NR2F1-AS1: variants seen among roughly 807,000 people sequenced by gnomAD.
The protein encoded by NR2F1-AS1 is NR2F1 regulatory antisense RNA 1.
upstream of NR2F1-AS1, among the ~76,000 whole-genome samples, chr5:93,581,478 G>C (rs1423495105): frequency 6.6e-6 from 1 of 152,138 alleles, no homozygotes; most frequent in Non-Finnish European, 1.5e-5. Context: ...TCTTCGTTTG[G>C]AGAAAAGGCA....
chr5:93,515,844 C>T (rs185245876), intron 4 of NR2F1-AS1, among the ~76,000 whole-genome samples: 2 of 151,938 alleles, frequency 1.3e-5, no homozygotes, highest in Admixed American at 1.3e-4. Context: ...ATCATTTTTA[C>T]TTATTTATGG....
chr5:93,469,732 G>T (rs1750326469), intron 4 of NR2F1-AS1, among the ~76,000 whole-genome samples: 1 of 151,954 alleles, frequency 6.6e-6, no homozygotes, highest in African/African-American at 2.4e-5. Flanking sequence ...ATCTCCTCTA[G>T]ATTTTTCCCT....
intron 4 of NR2F1-AS1, among the ~76,000 whole-genome samples, chr5:93,478,826 A>G (rs1205912215): frequency 6.6e-6 from 1 of 152,236 alleles, no homozygotes; most frequent in East Asian, 1.9e-4. Context: ...ATTTTCTTAT[A>G]GAAACTTGTT....
intron 4 of NR2F1-AS1, among the ~76,000 whole-genome samples, chr5:93,507,829 C>G (rs1751218415): frequency 6.6e-6 from 1 of 152,130 alleles, no homozygotes; most frequent in South Asian, 2.1e-4. Flanking sequence ...CATTCCTACA[C>G]AGAGGCAATA....
intron 4 of NR2F1-AS1, among the ~76,000 whole-genome samples, chr5:93,470,148 T>C (rs1308257555): frequency 3.3e-5 from 5 of 151,968 alleles, no homozygotes; most frequent in East Asian, 1.9e-4. Context: ...TTTTACCAAC[T>C]TGATGTTAAT....
intron 4 of NR2F1-AS1, among the ~76,000 whole-genome samples, chr5:93,468,458 G>A (rs572594206): frequency 6.6e-6 from 1 of 152,324 alleles, no homozygotes; most frequent in African/African-American, 2.4e-5. Context: ...CTTTTGAGAA[G>A]TGTCTGTTCA....
At chr5:93,532,230 C>T (rs1464346971) in intron 4 of NR2F1-AS1, among the ~76,000 whole-genome samples, 2 of 152,106 alleles carry the variant, frequency 1.3e-5, no homozygotes, top group Non-Finnish European at 2.9e-5. Flanking sequence ...ATAAAACATA[C>T]TTTGCAACTA....
chr5:93,444,387 A>T (rs1749645630), intron 4 of NR2F1-AS1, among the ~76,000 whole-genome samples: 1 of 152,200 alleles, frequency 6.6e-6, no homozygotes, highest in African/African-American at 2.4e-5. Flanking sequence ...CAAAAAAAGC[A>T]GGGGTTGCAA....
At chr5:93,582,953 G>A (rs555523082), upstream of NR2F1-AS1, among the ~76,000 whole-genome samples, 2 of 152,088 alleles carry the variant, frequency 1.3e-5, no homozygotes, top group Non-Finnish European at 2.9e-5. Context: ...CTAAGCGGGG[G>A]GGGGAGAAAG....
chr5:93,480,839 CATGGTAACCACTAAGAAAATA>C (rs1354655635), intron 4 of NR2F1-AS1, among the ~76,000 whole-genome samples: 3 of 151,986 alleles, frequency 2.0e-5, no homozygotes, highest in African/African-American at 7.2e-5. Context: ...TGTAATCCCC[CATGGTAACCACTAAGAAAATA>C]ATTTAAAATA....
chr5:93,504,456 T>C (rs931175212), intron 4 of NR2F1-AS1, among the ~76,000 whole-genome samples: 2 of 152,180 alleles, frequency 1.3e-5, no homozygotes, highest in Non-Finnish European at 2.9e-5. Context: ...ATTTTAAGCA[T>C]GATATTCCAG....
chr5:93,499,659 TAC>T (rs1423746746), intron 4 of NR2F1-AS1, among the ~76,000 whole-genome samples: 1 of 152,134 alleles, frequency 6.6e-6, no homozygotes, highest in Non-Finnish European at 1.5e-5. Context: ...TGAATAACCC[TAC>T]AATGGCCTCT....
intron 4 of NR2F1-AS1, among the ~76,000 whole-genome samples, chr5:93,509,532 T>G (rs530029894): frequency 5.3e-5 from 8 of 152,118 alleles, no homozygotes; most frequent in Non-Finnish European, 1.0e-4. Flanking sequence ...TATATAAAGC[T>G]GGAGGAAGAA....
intron 4 of NR2F1-AS1, among the ~76,000 whole-genome samples, chr5:93,489,154 G>C (rs888688225): frequency 7.2e-5 from 11 of 151,882 alleles, no homozygotes; most frequent in Middle Eastern, 6.4e-3. Flanking sequence ...GTAGATGACG[G>C]GTTAAAGGGT....
At chr5:93,528,454 G>A (rs570751717) in intron 4 of NR2F1-AS1, among the ~76,000 whole-genome samples, 1 of 152,310 alleles carries the variant, frequency 6.6e-6, no homozygotes, top group African/African-American at 2.4e-5. Flanking sequence ...TGTTGGTAGA[G>A]TATAAATTAG....
chr5:93,480,921 A>G (rs1280237381), intron 4 of NR2F1-AS1, among the ~76,000 whole-genome samples: 2 of 152,130 alleles, frequency 1.3e-5, no homozygotes, highest in African/African-American at 4.8e-5. Flanking sequence ...AAAAAATCCA[A>G]TCAAACACAA....
intron 4 of NR2F1-AS1, among the ~76,000 whole-genome samples, chr5:93,451,929 T>A (rs1042304267): frequency 6.6e-6 from 1 of 152,242 alleles, no homozygotes; most frequent in Admixed American, 6.5e-5. Context: ...CTCACGGACA[T>A]GTATTTACAT....
intron 4 of NR2F1-AS1, among the ~76,000 whole-genome samples, chr5:93,416,497 A>G (rs911094617): frequency 2.0e-5 from 3 of 152,220 alleles, no homozygotes; most frequent in African/African-American, 7.2e-5. Context: ...GAATGAATGA[A>G]AAGTCTAAAG....
intron 4 of NR2F1-AS1, among the ~76,000 whole-genome samples, chr5:93,419,442 C>A (rs1354295442): frequency 6.6e-6 from 1 of 152,112 alleles, no homozygotes; most frequent in African/African-American, 2.4e-5. Flanking sequence ...ACCTGCAGTC[C>A]CACCTACTTA....
Sources: allele counts gnomAD v4.1 joint callset (sites outside exome capture counted in the v4.1 genomes callset), GRCh38; gene constraint gnomAD v4.1.1; transcripts MANE v1.5; gene names NCBI Gene and HGNC (gene_info 2026-07-23, HGNC 2026-07-21).